ANGPTL6: variants seen among roughly 807,000 people sequenced by gnomAD.
ANGPTL6 encodes the protein angiopoietin like 6, also known as angiopoietin-related protein 6.
A neutral mutation model predicts 47.4 loss-of-function variants in ANGPTL6; 45 were observed. That is an observed-to-expected ratio of 0.95 (90% confidence interval 0.75 to 1.22). The LOEUF is 1.22. ANGPTL6 is among the 50% of genes most tolerant of loss of function. The pLI is 0.00. For synonymous variants in ANGPTL6, 290 were observed against 295.9 expected (o/e 0.98, Z 0.20); for missense variants, 698 against 669.4 (o/e 1.04, Z -0.47).
chr19:10,094,637 T>C, intron 3 of ANGPTL6, 121 bp downstream of exon 3: 1 of 1,257,522 alleles, frequency 8.0e-7, no homozygotes, highest in Non-Finnish European at 1.1e-6. Flanking sequence ...TGGTCTTATT[T>C]TTAATCAGAA....
chr19:10,101,874 G>A (rs1160467722), intron 1 of ANGPTL6, among the ~76,000 whole-genome samples: 1 of 147,882 alleles, frequency 6.8e-6, no homozygotes, highest in Non-Finnish European at 1.5e-5. Context: ...GGGAGGCCAA[G>A]GCAGGTGGAT....
chr19:10,094,843 G>A lies in ANGPTL6; in HGVS notation c.678C>T (p.Pro226=). The A allele has an allele frequency of 1.2e-6, 2 of 1,614,202 alleles. No homozygotes were observed. Among genetic ancestry groups the A allele is most frequent in the Non-Finnish European group, 8.5e-7 (1 of 1,180,028 alleles). Residue 226 remains proline, a synonymous_variant, in exon 3 of 6, where the codon CCC becomes CCT. Coordinates refer to ENST00000253109, the MANE Select transcript of ANGPTL6 (RefSeq NM_031917.3). ...TSRMLDPAPE[P]QRDQTQRQQE... ...GCTGTCTCTGGGTCTGGTCTCTCTG[G>A]GGCTCTGGGGCTGGGTCCAGCATCC...
Position 10,092,784 on chromosome 19 carries a change from G to T in ANGPTL6, c.1223-5C>A, listed in dbSNP as rs2088424020. Reference sequence around the variant, plus strand: ...GCTGGTACAGGGCACAGTTACCTGAGGGGAGAGAGAGAGTCCATGTCCTCT... The same window carrying T: ...GCTGGTACAGGGCACAGTTACCTGATGGGAGAGAGAGAGTCCATGTCCTCT... On this transcript the variant is annotated splice_region_variant and splice_polypyrimidine_tract_variant and intron_variant, in intron 5 of 5. Transcript: ENST00000253109. The T allele has an allele frequency of 6.3e-7, 1 of 1,590,396 alleles. No individual in the cohort carries two copies. The highest frequency in any genetic ancestry group is 8.6e-7 in the Non-Finnish European group (1 of 1,162,722).
Position 10,096,306 on chromosome 19 carries a change from G to A in ANGPTL6, c.258C>T (p.Asp86=), listed in dbSNP as rs914017362. ...CGCGCACCTCGCCGGCCACGGCGCC[G>A]TCGGCCGCCGCCAGCCTCTGCAGCT... ...LRELQRLAAA[D]GAVAGEVRAL... is the part of the protein sequence containing the mutation. Residue 86 remains aspartate (D), a synonymous_variant, in exon 2 of 6, where the codon GAC becomes GAT. Coordinates refer to ENST00000253109, the MANE Select transcript of ANGPTL6 (RefSeq NM_031917.3). 8.9e-5 allele frequency: 110 copies of A among 1,238,316 alleles called. No homozygotes were observed. The highest frequency in any genetic ancestry group is 1.1e-4 in the Non-Finnish European group (105 of 993,238). The allele number at this position is 1,238,316 out of a possible 1,614,324, so 76.7% of individuals were successfully genotyped here.
In ANGPTL6 at chr19:10,093,339, T is replaced by A; in HGVS notation, c.1222+10A>T. On this transcript the variant is annotated intron_variant, in intron 5 of 5. Coordinates refer to ENST00000253109, the MANE Select transcript of ANGPTL6 (RefSeq NM_031917.3). ...CCCTATCCTCTCACCAGAATAGGAG[T>A]TCTCCTTACCAGAATAGGAGTCTCG... 6.2e-7 allele frequency: 1 copy of A among 1,607,544 alleles called. No homozygotes were observed. Among genetic ancestry groups the A allele is most frequent in the Non-Finnish European group, 8.5e-7 (1 of 1,174,912 alleles).
Position 10,097,500 on chromosome 19 carries a change from AAT to A in ANGPTL6, c.-10-929_-10-928del, listed in dbSNP as rs533416273. 7.6e-4 allele frequency among the ~76,000 whole-genome samples: 115 copies of A among 152,192 alleles called. 1 individual carries two copies. The highest frequency in any genetic ancestry group is 1.4e-3 in the Non-Finnish European group (96 of 68,026). ...AAATCCCTCCCCTAGTGGGCAAAAA[AAT>A]AAATATGTACTGTATAGGATGAATA... On this transcript the variant is annotated intron_variant, in intron 1 of 5. Coordinates refer to ENST00000253109, the MANE Select transcript of ANGPTL6 (RefSeq NM_031917.3).
In ANGPTL6 at chr19:10,096,319, A is replaced by C. The variant is rs979714863; in HGVS notation, c.245T>G (p.Leu82Arg). ...GGCCACGGCGCCGTCGGCCGCCGCC[A>C]GCCTCTGCAGCTCGCGTAACAGCTC... is the stretch of plus-strand genomic sequence containing the variant. The part of the protein sequence containing the change: ...HEELLRELQR[L>R]AAADGAVAGE... Residue 82 changes from leucine (L) to arginine (R), a missense_variant, in exon 2 of 6, where the codon CTG (leucine) becomes CGG (arginine). Leu to Arg is a moderately radical substitution (Grantham distance 102, BLOSUM62 -2). Transcript: ENST00000253109. The C allele has an allele frequency of 7.9e-7, 1 of 1,267,470 alleles. No homozygotes were observed. The highest frequency in any genetic ancestry group is 1.6e-5 in the African/African-American group (1 of 63,984). The allele number at this position is 1,267,470 out of a possible 1,614,324, so 78.5% of individuals were successfully genotyped here.
At chr19:10,102,841 C>T (rs902056674), upstream of ANGPTL6, 1 of 896,342 alleles carries the variant, frequency 1.1e-6, no homozygotes, top group Non-Finnish European at 1.3e-6. Context: ...GCCACCAGAG[C>T]CTGATAACAC....
chr19:10,093,896 T>A lies in ANGPTL6; in HGVS notation c.764-16A>T. The A allele has an allele frequency of 6.2e-7, 1 of 1,604,788 alleles. No homozygotes were observed. Among genetic ancestry groups the A allele is most frequent in the Non-Finnish European group, 8.5e-7 (1 of 1,179,684 alleles). Reference sequence around the variant, plus strand: ...TGCCACGGGCCTGTGGGCACAGGGATAGGGGGGAGGCACAGCCTGGGCTGA... The same window carrying A: ...TGCCACGGGCCTGTGGGCACAGGGAAAGGGGGGAGGCACAGCCTGGGCTGA... On this transcript the variant is annotated splice_polypyrimidine_tract_variant and intron_variant, in intron 3 of 5. Coordinates refer to ENST00000253109, the MANE Select transcript of ANGPTL6 (RefSeq NM_031917.3).
At chr19:10,101,283 C>A (rs968871497) in intron 1 of ANGPTL6, among the ~76,000 whole-genome samples, 10 of 152,064 alleles carry the variant, frequency 6.6e-5, no homozygotes, top group African/African-American at 2.4e-4. Context: ...GTGCCTCATG[C>A]CTGTAATTTC....
At chr19:10,097,567 A>T (rs1020711789) in intron 1 of ANGPTL6, among the ~76,000 whole-genome samples, 1 of 152,270 alleles carries the variant, frequency 6.6e-6, no homozygotes, top group South Asian at 2.1e-4. Context: ...TAAAAATAAC[A>T]GTAGGGCCAG....
At chr19:10,095,285 G>A (rs1013656756) in intron 2 of ANGPTL6, among the ~76,000 whole-genome samples, 2 of 152,192 alleles carry the variant, frequency 1.3e-5, no homozygotes, top group African/African-American at 2.4e-5. Context: ...GTTGGCTCAC[G>A]CCTGTAATGC....
At chr19:10,095,886 G>A (rs1599285807) in intron 2 of ANGPTL6, 96 bp downstream of exon 2, 1 of 786,412 alleles carries the variant, frequency 1.3e-6, no homozygotes, top group Non-Finnish European at 1.7e-6. Context: ...GGTTTTCAGG[G>A]TTTTGCGGAT....
intron 1 of ANGPTL6, among the ~76,000 whole-genome samples, chr19:10,098,123 A>G (rs941193037): frequency 9.9e-5 from 15 of 152,050 alleles, no homozygotes; most frequent in African/African-American, 2.9e-4. Flanking sequence ...CCTGGCCTCA[A>G]GTGATCCACC....
At chr19:10,101,570 G>T (rs1160120540) in intron 1 of ANGPTL6, among the ~76,000 whole-genome samples, 1 of 152,054 alleles carries the variant, frequency 6.6e-6, no homozygotes, top group African/African-American at 2.4e-5. Context: ...CACTTTGGGA[G>T]GCCGAGGCGG....
At chr19:10,097,130 A>G (rs2088566786) in intron 1 of ANGPTL6, among the ~76,000 whole-genome samples, 1 of 150,440 alleles carries the variant, frequency 6.6e-6, no homozygotes. Context: ...AACAAGGCTT[A>G]TGGGGCCGTT....
At chr19:10,092,840 A>C in intron 5 of ANGPTL6, 61 bp from the exon 6 acceptor site, 1 of 1,402,372 alleles carries the variant, frequency 7.1e-7, no homozygotes, top group Non-Finnish European at 9.6e-7. Flanking sequence ...CCTGCACCTC[A>C]CAGTGCAAGG....
chr19:10,103,895 C>T (rs568597101), upstream of ANGPTL6, among the ~76,000 whole-genome samples: 56 of 151,276 alleles, frequency 3.7e-4, no homozygotes, highest in Middle Eastern at 3.4e-3. Context: ...CAATTCGAGA[C>T]CAGCCTGGCC....
At chr19:10,096,883 C>G (rs1291251072) in intron 1 of ANGPTL6, among the ~76,000 whole-genome samples, 2 of 146,740 alleles carry the variant, frequency 1.4e-5, no homozygotes, top group Non-Finnish European at 3.0e-5. Context: ...CGCTTGAGAC[C>G]AGGAGTTCGA....
Sources: gnomAD v4.1 joint callset for allele counts (sites outside exome capture counted in the v4.1 genomes callset) on GRCh38, gnomAD v4.1.1 for gene constraint, MANE v1.5 for transcripts, NCBI Gene and HGNC (gene_info 2026-07-23, HGNC 2026-07-21) for gene names.